TYW1B: variants seen among roughly 807,000 people sequenced by gnomAD.
The protein encoded by TYW1B is tRNA-yW synthesizing protein 1 homolog B.
A neutral mutation model predicts 86.9 loss-of-function variants in TYW1B; 73 were observed. That is an observed-to-expected ratio of 0.84 (90% CI 0.70 to 1.02). The LOEUF (loss-of-function observed/expected upper bound fraction) is 1.02. Ranked by LOEUF, TYW1B falls within the 50% of genes least tolerant of loss-of-function variation. TYW1B has a pLI of 0.00. For synonymous variants in TYW1B, 248 were observed against 292.8 expected (o/e 0.85, Z 1.56); for missense variants, 637 against 827.4 (o/e 0.77, Z 2.82).
At chr7:72,707,863 TC>T (rs1554453956) in intron 10 of TYW1B, among the ~76,000 whole-genome samples, 1 of 152,188 alleles carries the variant, frequency 6.6e-6, no homozygotes, top group Non-Finnish European at 1.5e-5. Flanking sequence ...GATGGGGACT[TC>T]CCCCTTGCTG....
At chr7:72,679,596 G>T (rs1211584652) in intron 11 of TYW1B, among the ~76,000 whole-genome samples, 4 of 152,194 alleles carry the variant, frequency 2.6e-5, no homozygotes, top group Non-Finnish European at 5.9e-5. Flanking sequence ...ATGGGGAGAT[G>T]AAACAGCTCT....
chr7:72,817,407 C>CA lies in TYW1B; in HGVS notation c.136-1927dup, dbSNP rs1247774130. Among the ~76,000 whole-genome samples the CA allele has an allele frequency of 4.7e-5, 7 of 149,810 alleles. No individual in the cohort carries two copies. The East Asian group carries it at 9.7e-4, about 21-fold the overall frequency. Reference sequence around the variant, plus strand: ...TAGACAACAGAGCGAGACTCCATTTCAAAAAAAAAGAAAAAAGGTATTTGG... The same window carrying CA: ...TAGACAACAGAGCGAGACTCCATTTCAAAAAAAAAAGAAAAAAGGTATTTGG... On this transcript the variant is annotated intron_variant, in intron 2 of 13. Transcript: ENST00000620995.
intron 13 of TYW1B, among the ~76,000 whole-genome samples, chr7:72,589,599 G>A (rs1201097166): frequency 3.9e-5 from 6 of 152,188 alleles, no homozygotes; most frequent in Non-Finnish European, 7.3e-5. Flanking sequence ...AGTATCGGCC[G>A]GGCATGGTGG....
At chr7:72,589,122 C>T (rs1212934388) in intron 13 of TYW1B, among the ~76,000 whole-genome samples, 13 of 152,104 alleles carry the variant, frequency 8.5e-5, no homozygotes, top group Admixed American at 1.3e-4. Context: ...TAGACTTGTA[C>T]TCGTTTAAGC....
chr7:72,760,630 A>G (rs1306685733), intron 7 of TYW1B, among the ~76,000 whole-genome samples: 2 of 152,214 alleles, frequency 1.3e-5, no homozygotes, highest in Non-Finnish European at 2.9e-5. Flanking sequence ...TAAAATATAT[A>G]CTAATTAACC....
Position 72,608,645 on chromosome 7 carries a change from C to T in TYW1B, c.1785+8027G>A, listed in dbSNP as rs185222220. ...TATGTTGCCTATAAGAAACTCACTT[C>T]GAATATAATGATACACGCAGGTTGA... On this transcript the variant is annotated intron_variant, in intron 13 of 13. Transcript: ENST00000620995. Among the ~76,000 whole-genome samples the T allele has an allele frequency of 2.4e-4, 36 of 152,104 alleles. No individual in the cohort carries two copies. The East Asian group carries it at 2.9e-3, about 12-fold the overall frequency.
chr7:72,770,215 G>A (rs1787841884), intron 7 of TYW1B, among the ~76,000 whole-genome samples: 1 of 151,778 alleles, frequency 6.6e-6, no homozygotes, highest in East Asian at 1.9e-4. Context: ...CAGATCACGA[G>A]GTCAAGAGAT....
In TYW1B at chr7:72,807,351, G is replaced by A; in HGVS notation, c.438C>T (p.Gly146=). 6.2e-7 allele frequency: 1 copy of A among 1,610,792 alleles called. No individual in the cohort carries two copies. Among genetic ancestry groups the A allele is most frequent in the Non-Finnish European group, 8.5e-7 (1 of 1,177,258 alleles). The change falls in exon 5 of 14, where the codon GGC becomes GGT. Residue 146 remains glycine (G), a synonymous_variant. Transcript: ENST00000620995. ...SAYASHFNKV[G]KNVDKWLWML... ...TCCAGAGCCACTTGTCAACATTTTT[G>A]CCAACCTGCGAGGAAAAGATAGATA... is the stretch of plus-strand genomic sequence containing the variant.
At chr7:72,598,773 G>A (rs1302260245) in intron 13 of TYW1B, among the ~76,000 whole-genome samples, 1 of 152,142 alleles carries the variant, frequency 6.6e-6, no homozygotes, top group Non-Finnish European at 1.5e-5. Context: ...GTGGGGGTGG[G>A]TGCTTGAGCT....
At chr7:72,762,820 C>T (rs554866968) in intron 7 of TYW1B, among the ~76,000 whole-genome samples, 5 of 151,986 alleles carry the variant, frequency 3.3e-5, no homozygotes, top group South Asian at 4.2e-4. Flanking sequence ...CCACCATGCC[C>T]GGCTAATTTT....
At chr7:72,717,311 A>G (rs1410597179) in intron 9 of TYW1B, among the ~76,000 whole-genome samples, 5 of 151,904 alleles carry the variant, frequency 3.3e-5, no homozygotes, top group Non-Finnish European at 7.4e-5. Flanking sequence ...GAAAAAAAAA[A>G]AAAAAAATCA....
Position 72,795,390 on chromosome 7 carries a change from GT to G in TYW1B, c.846+7009del, listed in dbSNP as rs1326314035. Among the ~76,000 whole-genome samples, 12 of 151,406 alleles carry G rather than the reference GT, an allele frequency of 7.9e-5. No homozygotes were observed. In the East Asian group the frequency reaches 2.2e-3, roughly 27 times the overall value. ...CCTAGAATGGTTATCGCCTCACCAT[GT>G]TTTTTTGTTGTTATTGTTTATGATA... is the stretch of plus-strand genomic sequence containing the variant. On this transcript the variant is annotated intron_variant, in intron 6 of 13. Coordinates refer to ENST00000620995, the MANE Select transcript of TYW1B (RefSeq NM_001145440.3).
At chr7:72,775,787 C>T (rs1234038645) in intron 7 of TYW1B, among the ~76,000 whole-genome samples, 2 of 149,930 alleles carry the variant, frequency 1.3e-5, no homozygotes, top group East Asian at 1.9e-4. Flanking sequence ...GGATACCAGA[C>T]GGAACACAGA....
chr7:72,636,498 T>C (rs1466975159), intron 11 of TYW1B, among the ~76,000 whole-genome samples: 5 of 152,196 alleles, frequency 3.3e-5, no homozygotes, highest in Non-Finnish European at 1.5e-5. Context: ...ATATAGTGGG[T>C]ATGCTTGTCT....
intron 13 of TYW1B, among the ~76,000 whole-genome samples, chr7:72,609,668 C>T (rs1811888510): frequency 6.6e-6 from 1 of 152,106 alleles, no homozygotes. Context: ...TCACCTGACC[C>T]AGCTCAGGAG....
At chr7:72,781,313 A>G (rs1418727679) in intron 6 of TYW1B, among the ~76,000 whole-genome samples, 1 of 152,126 alleles carries the variant, frequency 6.6e-6, no homozygotes, top group Non-Finnish European at 1.5e-5. Flanking sequence ...TCAGGGCATG[A>G]GCCAATCAGA....
chr7:72,719,631 CAAAA>C (rs67560586), intron 9 of TYW1B, among the ~76,000 whole-genome samples: 3 of 65,054 alleles, frequency 4.6e-5, no homozygotes, highest in African/African-American at 1.9e-4. Context: ...ATTCCGTCTC[CAAAA>C]AAAAAAAAAA....
chr7:72,815,509 A>C (rs1554479271), intron 2 of TYW1B, 28 bp from the exon 3 acceptor site: 7 of 1,592,372 alleles, frequency 4.4e-6, no homozygotes, highest in Non-Finnish European at 6.0e-6. Context: ...AACTTCAAAT[A>C]AAGTCTTCAA....
At chr7:72,807,006 A>G (rs1788507665) in intron 5 of TYW1B, 60 bp downstream of exon 5, 3 of 1,566,190 alleles carry the variant, frequency 1.9e-6, no homozygotes, top group Non-Finnish European at 2.6e-6. Context: ...GAAGAGCTCA[A>G]GCTCGAGATC....
Sources: gnomAD v4.1 joint callset for allele counts (sites outside exome capture counted in the v4.1 genomes callset) on GRCh38, gnomAD v4.1.1 for gene constraint, MANE v1.5 for transcripts, NCBI Gene and HGNC (gene_info 2026-07-23, HGNC 2026-07-21) for gene names.